FRK: variants seen among roughly 807,000 people sequenced by gnomAD.
FRK encodes tyrosine-protein kinase FRK.
A neutral mutation model predicts 56.4 loss-of-function variants in FRK; 51 were observed. The ratio of observed to expected loss-of-function variants is 0.90; its 90% CI spans 0.72 to 1.14. The LOEUF (loss-of-function observed/expected upper bound fraction) is 1.14. Ranked by LOEUF, FRK falls within the 50% of genes most tolerant of loss-of-function variation. The pLI, the probability that FRK is intolerant of heterozygous loss-of-function variation, is 0.00. For synonymous variants in FRK, 245 were observed against 217.9 expected (o/e 1.12, Z -1.10); for missense variants, 570 against 601.4 (o/e 0.95, Z 0.55).
At chr6:115,994,515 T>C (rs777160715) in intron 2 of FRK, among the ~76,000 whole-genome samples, 2 of 152,036 alleles carry the variant, frequency 1.3e-5, no homozygotes, top group Non-Finnish European at 2.9e-5. Flanking sequence ...CTAACAAATA[T>C]TCAATCCCTA....
chr6:116,040,005 CATGA>C (rs1776653989), intron 1 of FRK, among the ~76,000 whole-genome samples: 1 of 150,312 alleles, frequency 6.7e-6, no homozygotes. Flanking sequence ...TTCAAAGATT[CATGA>C]ACTGTTTCAA....
the FRK span, among the ~76,000 whole-genome samples, chr6:116,073,909 C>CCTGG: frequency 1.3e-5 from 2 of 152,248 alleles, no homozygotes; most frequent in East Asian, 3.9e-4. Context: ...AATTCTGGCT[C>CCTGG]CTGGCTGCTG....
chr6:115,981,472 A>G (rs930768167), intron 2 of FRK, among the ~76,000 whole-genome samples: 1 of 152,138 alleles, frequency 6.6e-6, no homozygotes, highest in Non-Finnish European at 1.5e-5. Flanking sequence ...GATCAAAGAA[A>G]AAAAGGTAAG....
chr6:115,975,261 G>A (rs1773950414), intron 2 of FRK, among the ~76,000 whole-genome samples: 1 of 151,218 alleles, frequency 6.6e-6, no homozygotes, highest in Non-Finnish European at 1.5e-5. Flanking sequence ...ATCTCTTACT[G>A]GCATCATGAG....
At chr6:116,022,512 G>A (rs936966990) in intron 1 of FRK, among the ~76,000 whole-genome samples, 12 of 152,072 alleles carry the variant, frequency 7.9e-5, no homozygotes, top group Non-Finnish European at 2.9e-5. Flanking sequence ...AAAATCAGTT[G>A]TAATTGACCA....
intron 1 of FRK, among the ~76,000 whole-genome samples, chr6:116,031,815 T>C (rs765947023): frequency 6.6e-6 from 1 of 152,118 alleles, no homozygotes; most frequent in Non-Finnish European, 1.5e-5. Flanking sequence ...AATTTATCTA[T>C]GAAATATGAA....
upstream of FRK, among the ~76,000 whole-genome samples, chr6:116,062,517 G>A (rs935638028): frequency 8.6e-5 from 13 of 151,954 alleles, no homozygotes; most frequent in African/African-American, 3.1e-4. Flanking sequence ...CCTGAGAGAT[G>A]TATTCAAACC....
intron 1 of FRK, among the ~76,000 whole-genome samples, chr6:116,057,328 T>C (rs1051597056): frequency 1.3e-5 from 2 of 152,190 alleles, no homozygotes; most frequent in African/African-American, 4.8e-5. Context: ...AGAAAAAATA[T>C]TAAAATAAGT....
intron 2 of FRK, among the ~76,000 whole-genome samples, chr6:115,980,049 A>G (rs1774137726): frequency 6.6e-6 from 1 of 152,166 alleles, no homozygotes; most frequent in South Asian, 2.1e-4. Context: ...CAGAAAATAC[A>G]ATGAGCAATA....
At chr6:116,066,433 A>ATATG in the FRK span, among the ~76,000 whole-genome samples, 7 of 150,590 alleles carry the variant, frequency 4.6e-5, no homozygotes, top group African/African-American at 9.8e-5. Flanking sequence ...ATATATATAT[A>ATATG]TGTGTGTGTG....
the FRK span, among the ~76,000 whole-genome samples, chr6:116,095,259 T>A: frequency 6.6e-6 from 1 of 152,196 alleles, no homozygotes; most frequent in African/African-American, 2.4e-5. Flanking sequence ...ATTCAGTAAG[T>A]GATAAGGGAA....
intron 5 of FRK, among the ~76,000 whole-genome samples, chr6:115,950,784 G>T (rs772047474): frequency 3.6e-4 from 55 of 152,322 alleles, no homozygotes; most frequent in African/African-American, 1.3e-3. Flanking sequence ...GCCCATCAAT[G>T]TTGGACTGGA....
At chr6:115,997,648 C>T (rs1172503977) in intron 2 of FRK, among the ~76,000 whole-genome samples, 2 of 152,112 alleles carry the variant, frequency 1.3e-5, no homozygotes, top group African/African-American at 2.4e-5. Context: ...TATTTTGCCC[C>T]ATTTCTGATT....
At chr6:116,027,548 T>C (rs1156537949) in intron 1 of FRK, among the ~76,000 whole-genome samples, 1 of 152,152 alleles carries the variant, frequency 6.6e-6, no homozygotes, top group Non-Finnish European at 1.5e-5. Flanking sequence ...AATTGGAGTT[T>C]GGAGTTTTTC....
chr6:116,075,170 A>C, the FRK span, among the ~76,000 whole-genome samples: 2 of 151,998 alleles, frequency 1.3e-5, no homozygotes, highest in Non-Finnish European at 2.9e-5. Flanking sequence ...CTCTTTCTCC[A>C]CTGTGAATCA....
chr6:116,061,002 A>G (rs1365210867), upstream of FRK, among the ~76,000 whole-genome samples: 1 of 152,082 alleles, frequency 6.6e-6, no homozygotes, highest in Non-Finnish European at 1.5e-5. Flanking sequence ...CCTTTACCAA[A>G]CTGTTAAAGC....
chr6:116,056,129 A>G (rs567045535), intron 1 of FRK, among the ~76,000 whole-genome samples: 8 of 152,112 alleles, frequency 5.3e-5, no homozygotes, highest in Admixed American at 1.3e-4. Context: ...CCCTAGTTCA[A>G]TTTAACACAA....
At chr6:115,944,786 G>A (rs1381872503) in intron 5 of FRK, among the ~76,000 whole-genome samples, 1 of 152,010 alleles carries the variant, frequency 6.6e-6, no homozygotes, top group African/African-American at 2.4e-5. Context: ...GTAAACTTGT[G>A]TCATGGGGGG....
chr6:115,956,685 A>T, intron 4 of FRK, 75 bp from the exon 5 acceptor site: 1 of 1,187,600 alleles, frequency 8.4e-7, no homozygotes, highest in Non-Finnish European at 1.2e-6. Context: ...GGTGGGAATC[A>T]TCAAGATTGC....
Sources: allele counts gnomAD v4.1 joint callset (sites outside exome capture counted in the v4.1 genomes callset), GRCh38; gene constraint gnomAD v4.1.1; transcripts MANE v1.5; gene names NCBI Gene and HGNC (gene_info 2026-07-23, HGNC 2026-07-21).